Variants in WDR97 observed in about 807,000 individuals in gnomAD.
The protein encoded by WDR97 is WD repeat-containing protein 97.
In WDR97, 111 loss-of-function variants were observed where a neutral mutation model predicts 65.4. That is an observed-to-expected ratio of 1.70 (90% confidence interval 1.45 to 1.99). The LOEUF is 1.99. Ranked by LOEUF, WDR97 falls within the 30% of genes most tolerant of loss-of-function variation. The probability of loss-of-function intolerance (pLI) is 0.00; values close to 1 mark genes in which losing one functional copy is unlikely to be tolerated. For missense variants in WDR97, 1,674 were observed against 865.0 expected, an observed-to-expected ratio of 1.94 and a Z score of -11.73; for synonymous variants, 802 against 397.7, an observed-to-expected ratio of 2.02 and a Z score of -12.10.
chr8:144,112,083 C>G lies in WDR97; in HGVS notation c.2834C>G (p.Ser945Cys). 2 of 702,892 alleles carry G rather than the reference C, an allele frequency of 2.8e-6. No individual in the cohort carries two copies. Among genetic ancestry groups the G allele is most frequent in the Non-Finnish European group, 5.2e-6 (2 of 385,048 alleles). 43.5% of individuals were successfully genotyped at this position (702,892 alleles called of 1,614,324 possible). ...LGALGQHFSQ[S>C]PRVTVPIPPT... ...GCCCTGGGCCAGCACTTCTCCCAGT[C>G]TCCCCGAGTCACAGTGCCGATCCCA... The change falls in exon 13 of 24, where the codon TCT (serine) becomes TGT (cysteine). Residue 945 changes from serine to cysteine, a missense_variant. Physicochemically the swap from Ser to Cys is moderately radical, Grantham distance 112. Coordinates refer to ENST00000323662, the MANE Select transcript of WDR97 (RefSeq NM_001316309.2).
In WDR97 at chr8:144,115,969, AG is replaced by A. The variant is rs1354450563; in HGVS notation, c.4624del (p.Ala1542ProfsTer11). ...HWYHPILRLQ[E>X]AKPQRSARSA... is the part of the protein sequence containing the mutation. ...TACCACCCCATCCTCCGGCTGCAGG[AG>A]GCCAAGCCGCAGAGGTCCGCGAGGT... On this transcript the variant is annotated frameshift_variant, in exon 23 of 24. Transcript: ENST00000323662. LOFTEE classifies it low-confidence loss of function (END_TRUNC). The A allele has an allele frequency of 5.7e-6, 4 of 700,890 alleles. No homozygotes were observed. Among genetic ancestry groups the A allele is most frequent in the Admixed American group, 2.0e-5 (1 of 49,962 alleles). 43.4% of individuals were successfully genotyped at this position (700,890 alleles called of 1,614,324 possible).
chr8:144,116,299 C>A lies in WDR97; in HGVS notation c.*6C>A, dbSNP rs1363515018. On this transcript the variant is annotated 3_prime_UTR_variant, in exon 24 of 24. Transcript: ENST00000323662. ...ACCCTGACACCTACAGCTGACCGGA[C>A]TGGTGGCCTCAGCCCGCCTGGCTCT... The A allele has an allele frequency of 1.7e-6, 1 of 604,302 alleles. No homozygotes were observed. The highest frequency in any genetic ancestry group is 1.9e-5 in the South Asian group (1 of 53,752). The allele number at this position is 604,302 out of a possible 1,614,324, so 37.4% of individuals were successfully genotyped here.
Position 144,111,965 on chromosome 8 carries a change from G to T in WDR97, c.2716G>T (p.Ala906Ser), listed in dbSNP as rs551878508. 1,742 of 702,550 alleles carry T rather than the reference G, an allele frequency of 2.5e-3. 49 individuals carry two copies. The East Asian group carries it at 0.043, about 17-fold the overall frequency. The allele number at this position is 702,550 out of a possible 1,614,324, so 43.5% of individuals were successfully genotyped here. ...GGAGAGAGAGACCCGGGATGTGTGT[G>T]CTGTACCCCAAGCTGCCCACTGTCT... ...RVERETRDVC[A>S]VPQAAHCLAR... Residue 906 changes from alanine to serine, a missense_variant, in exon 13 of 24, where the codon GCT becomes TCT. Ala to Ser is a moderately conservative substitution (Grantham distance 99). Coordinates refer to ENST00000323662, the MANE Select transcript of WDR97 (RefSeq NM_001316309.2).
intron 22 of WDR97, 32 bp from the exon 23 acceptor site, chr8:144,115,896 AGCCAAGCGTGGGGCT>A (rs1446810476): frequency 1.4e-6 from 1 of 699,456 alleles, no homozygotes; most frequent in Admixed American, 2.0e-5. Context: ...TGCGTGGGGC[AGCCAAGCGTGGGGCT>A]GGGCCAGCTG....
rs2130087213 is a variant in WDR97, at chr8:144,112,468, T to C, written c.3043T>C (p.Trp1015Arg). The C allele has an allele frequency of 1.4e-6, 1 of 702,648 alleles. No homozygotes were observed. Among genetic ancestry groups the C allele is most frequent in the East Asian group, 2.7e-5 (1 of 37,266 alleles). 43.5% of individuals were successfully genotyped at this position (702,648 alleles called of 1,614,324 possible). The change falls in exon 15 of 24, where the codon TGG (tryptophan) becomes CGG (arginine). Residue 1015 changes from tryptophan to arginine, a missense_variant. Trp to Arg is a moderately radical substitution (Grantham distance 101). Coordinates refer to ENST00000323662, the MANE Select transcript of WDR97 (RefSeq NM_001316309.2). ...QCRIPLLPKR[W>R]DKEPLSSLRG... Reference sequence around the variant, plus strand: ...CCAGATCCCACTGCTGCCAAAGAGATGGGACAAGGAACCTCTCTCTAGCCT... The same window carrying C: ...CCAGATCCCACTGCTGCCAAAGAGACGGGACAAGGAACCTCTCTCTAGCCT...
At chr8:144,113,213 C>T (rs958478603) in intron 15 of WDR97, 7 of 568,242 alleles carry the variant, frequency 1.2e-5, no homozygotes, top group African/African-American at 9.6e-5. Flanking sequence ...TTTCCCTTCT[C>T]GTTTGTCAGA....
Position 144,108,730 on chromosome 8 carries a change from C to T in WDR97, c.664C>T (p.Leu222Phe). The change falls in exon 3 of 24, where the codon CTC becomes TTC. Residue 222 changes from leucine to phenylalanine, a missense_variant. By Grantham distance (22) the Leu-to-Phe change is conservative. Coordinates refer to ENST00000323662, the MANE Select transcript of WDR97 (RefSeq NM_001316309.2). ...TGCGGAGATGAACAGCAGCCTGGCG[C>T]TCTGGCAGTTCCGTTCAGGTGGTCG... ...LVAEMNSSLALWQFRSGGRRL... is the reference protein window; with the variant it reads ...LVAEMNSSLAFWQFRSGGRRL... The T allele has an allele frequency of 1.4e-6, 1 of 701,302 alleles. No individual in the cohort carries two copies. Among genetic ancestry groups the T allele is most frequent in the Non-Finnish European group, 2.6e-6 (1 of 384,598 alleles). 43.4% of individuals were successfully genotyped at this position (701,302 alleles called of 1,614,324 possible).
At position 144,114,637 on chromosome 8, in the gene WDR97, G is replaced by T; in HGVS notation, c.3876G>T (p.Glu1292Asp). 1.4e-6 allele frequency: 1 copy of T among 702,866 alleles called. No individual in the cohort carries two copies. Among genetic ancestry groups the T allele is most frequent in the East Asian group, 2.7e-5 (1 of 37,298 alleles). 43.5% of individuals were successfully genotyped at this position (702,866 alleles called of 1,614,324 possible). The change falls in exon 20 of 24, where the codon GAG becomes GAT. Residue 1292 changes from glutamate (E) to aspartate (D), a missense_variant. Coordinates refer to ENST00000323662, the MANE Select transcript of WDR97 (RefSeq NM_001316309.2). ...CSLESRDVVLELMSYFLYSPV... is the reference protein window; with the variant it reads ...CSLESRDVVLDLMSYFLYSPV... ...TGGAGTCCCGGGATGTGGTGCTGGA[G>T]CTCATGTCCTACTTCCTCTACTCTC...
chr8:144,117,523 G>C lies in WDR97; in HGVS notation c.*1230G>C, dbSNP rs1814785422. On this transcript the variant is annotated 3_prime_UTR_variant, in exon 24 of 24. Transcript: ENST00000323662. ...GGTCAGGACACAGAAAGATAGCAGG[G>C]GGCAGGGGGGGATCTGAGGGACCCC... 1 of 152,884 alleles carries C rather than the reference G, an allele frequency of 6.5e-6. No individual in the cohort carries two copies. The highest frequency in any genetic ancestry group is 1.5e-5 in the Non-Finnish European group (1 of 68,568). The allele number at this position is 152,884 out of a possible 1,614,324, so 9.5% of individuals were successfully genotyped here.
chr8:144,113,558 G>C (rs780683781), intron 16 of WDR97, 41 bp downstream of exon 16: 1 of 686,868 alleles, frequency 1.5e-6, no homozygotes, highest in African/African-American at 1.8e-5. Context: ...GCCTCCCAGA[G>C]AAAGCTCGAG....
In WDR97 at chr8:144,112,693, C is replaced by A. The variant is rs1836574917; in HGVS notation, c.3105+163C>A. ...CTGTAGCCTCCCACGCACCCCTCAC[C>A]CCTCACCCTTCACCCTCTGTCTAGC... On this transcript the variant is annotated intron_variant, in intron 15 of 23. Transcript: ENST00000323662. 1.9e-5 allele frequency: 12 copies of A among 627,716 alleles called. No individual in the cohort carries two copies. The South Asian group carries it at 2.1e-4, about 11-fold the overall frequency. The allele number at this position is 627,716 out of a possible 1,614,324, so 38.9% of individuals were successfully genotyped here. A position where few individuals can be genotyped will look rare whatever the true frequency, so the allele number is the denominator to read the frequency against.
At position 144,111,110 on chromosome 8, in the gene WDR97, C is replaced by T. The variant is rs528827295; in HGVS notation, c.2314C>T (p.Arg772Trp). Residue 772 changes from arginine (R) to tryptophan (W), a missense_variant, in exon 10 of 24, where the codon CGG becomes TGG. Coordinates refer to ENST00000323662, the MANE Select transcript of WDR97 (RefSeq NM_001316309.2). ...TCCTTCCCCTATTCAGAAGATGTGC[C>T]GGAAGGCCCCAGACGTGGTGGACGA... Reference protein sequence around the residue: ...PTSYLVKKMCRKAPDVVDDPP... With the variant: ...PTSYLVKKMCWKAPDVVDDPP... 4.7e-5 allele frequency: 33 copies of T among 702,812 alleles called. No homozygotes were observed. The highest frequency in any genetic ancestry group is 1.1e-4 in the East Asian group (4 of 37,278). 43.5% of individuals were successfully genotyped at this position (702,812 alleles called of 1,614,324 possible).
In WDR97 at chr8:144,115,354, A is replaced by G. The variant is rs962986581; in HGVS notation, c.4091A>G (p.Gln1364Arg). 3.3e-6 allele frequency: 2 copies of G among 600,322 alleles called. No individual in the cohort carries two copies. The highest frequency in any genetic ancestry group is 5.6e-5 in the East Asian group (2 of 35,742). The allele number at this position is 600,322 out of a possible 1,614,324, so 37.2% of individuals were successfully genotyped here. Reference protein sequence around the residue: ...MIQELQETPSQTSVVSGAPTR... With the variant: ...MIQELQETPSRTSVVSGAPTR... Reference sequence around the variant, plus strand: ...TCTCCTCCCAAGGAGACCCCATCGCAGACGTCAGTGGTCTCTGGGGCACCC... The same window carrying G: ...TCTCCTCCCAAGGAGACCCCATCGCGGACGTCAGTGGTCTCTGGGGCACCC... Residue 1364 changes from glutamine (Q) to arginine (R), a missense_variant, in exon 22 of 24, where the codon CAG (glutamine) becomes CGG (arginine). By Grantham distance (43) the Gln-to-Arg change is conservative. Coordinates refer to ENST00000323662, the MANE Select transcript of WDR97 (RefSeq NM_001316309.2).
In WDR97 at chr8:144,109,181, T is replaced by C. The variant is rs1345419738; in HGVS notation, c.1000+11T>C. The C allele has an allele frequency of 4.3e-6, 3 of 702,690 alleles. No homozygotes were observed. The highest frequency in any genetic ancestry group is 5.2e-6 in the Non-Finnish European group (2 of 384,964). The allele number at this position is 702,690 out of a possible 1,614,324, so 43.5% of individuals were successfully genotyped here. ...TCGTGGGCCACACAGGTGCTCTGAGTTCTCTGCACCCCGAGCCTCGGCCCT... is the reference window on the plus strand; with the variant it reads ...TCGTGGGCCACACAGGTGCTCTGAGCTCTCTGCACCCCGAGCCTCGGCCCT... On this transcript the variant is annotated intron_variant, in intron 4 of 23. Transcript: ENST00000323662.
At chr8:144,113,578 A>G (rs1345762265) in intron 16 of WDR97, 61 bp downstream of exon 16, 2 of 678,228 alleles carry the variant, frequency 2.9e-6, no homozygotes, top group East Asian at 5.4e-5. Context: ...GGCAAGGGGC[A>G]GGGCTGGGGG....
intron 16 of WDR97, 58 bp downstream of exon 16, chr8:144,113,575 G>A (rs1475556988): frequency 2.9e-6 from 2 of 680,600 alleles, no homozygotes; most frequent in Non-Finnish European, 5.4e-6. Context: ...CGAGGCAAGG[G>A]GCAGGGCTGG....
chr8:144,107,887 C>T (rs755091608), intron 1 of WDR97, 25 bp downstream of exon 1: 4 of 702,714 alleles, frequency 5.7e-6, no homozygotes, highest in South Asian at 3.0e-5. Context: ...CCTCGCCCTC[C>T]GGGCATCCCG....
At position 144,112,575 on chromosome 8, in the gene WDR97, A is replaced by G. The variant is rs147561361; in HGVS notation, c.3105+45A>G. ...CCTGGAGAGCCACTCCTCTCCAGGC[A>G]TCACTCTTGTGCCTGCCATCTCCCC... On this transcript the variant is annotated intron_variant, in intron 15 of 23. Transcript: ENST00000323662. 3,837 of 702,030 alleles carry G rather than the reference A, an allele frequency of 5.5e-3. 36 individuals are homozygous for G. The highest frequency in any genetic ancestry group is 0.023 in the South Asian group (1,567 of 67,566). 43.5% of individuals were successfully genotyped at this position (702,030 alleles called of 1,614,324 possible). A position where few individuals can be genotyped will look rare whatever the true frequency, so the allele number is the denominator to read the frequency against.
In WDR97 at chr8:144,115,383, C is replaced by G. The variant is rs1214464608; in HGVS notation, c.4120C>G (p.Arg1374Gly). 4.8e-6 allele frequency: 3 copies of G among 621,376 alleles called. No individual in the cohort carries two copies. The highest frequency in any genetic ancestry group is 8.7e-6 in the Non-Finnish European group (3 of 343,378). The allele number at this position is 621,376 out of a possible 1,614,324, so 38.5% of individuals were successfully genotyped here. Residue 1374 changes from arginine (R) to glycine (G), a missense_variant, in exon 22 of 24, where the codon CGC becomes GGC. Transcript: ENST00000323662. ...QTSVVSGAPT[R>G]ASVIPSGTSW... ...GTCAGTGGTCTCTGGGGCACCCACA[C>G]GCGCCTCCGTGATACCCTCGGGCAC...
Sources: gnomAD v4.1 joint callset for allele counts on GRCh38, gnomAD v4.1.1 for gene constraint, MANE v1.5 for transcripts, NCBI Gene and HGNC (gene_info 2026-07-23, HGNC 2026-07-21) for gene names.